The following OTULIN variants were observed in gnomAD, a reference collection of about 807,000 sequenced individuals.
OTULIN encodes OTU deubiquitinase with linear linkage specificity, also known as ubiquitin thioesterase otulin.
In OTULIN, 15 loss-of-function variants were observed where a neutral mutation model predicts 39.6. The ratio of observed to expected loss-of-function variants is 0.38; its 90% CI spans 0.25 to 0.58. The LOEUF (loss-of-function observed/expected upper bound fraction) is 0.58, where lower values mean the gene tolerates loss of function less well. Among genes scored for constraint, OTULIN ranks in the 20% least tolerant of loss-of-function variants. OTULIN has a pLI of 0.66. For missense variants in OTULIN, 319 were observed against 445.9 expected, an observed-to-expected ratio of 0.72 and a Z score of 2.56; for synonymous variants, 156 against 170.3, an observed-to-expected ratio of 0.92 and a Z score of 0.65.
Position 14,687,659 on chromosome 5 carries a change from T to TA in OTULIN, c.594+14dup. On this transcript the variant is annotated intron_variant, in intron 5 of 6. Transcript: ENST00000284274. ...GCTGAGGAAGAAGGTTTGGAACCTG[T>TA]AGTGTCCTGTCTGATAAGGGTGAAG... The TA allele has an allele frequency of 6.2e-7, 1 of 1,605,378 alleles. No individual in the cohort carries two copies. The highest frequency in any genetic ancestry group is 8.5e-7 in the Non-Finnish European group (1 of 1,177,256).
chr5:14,681,738 T>G, intron 4 of OTULIN, 131 bp downstream of exon 4: 1 of 1,092,032 alleles, frequency 9.2e-7, no homozygotes, highest in Non-Finnish European at 1.2e-6. Context: ...TATTCAGTTT[T>G]GTGTGGCTGG....
At chr5:14,711,953 C>T in the OTULIN span, among the ~76,000 whole-genome samples, 13 of 152,362 alleles carry the variant, frequency 8.5e-5, no homozygotes, top group South Asian at 1.0e-3. Context: ...CTGCCAACCC[C>T]GCTGGTCCCC....
At position 14,690,392 on chromosome 5, in the gene OTULIN, GA is replaced by G; in HGVS notation, c.864+87del. On this transcript the variant is annotated intron_variant, in intron 6 of 6. Transcript: ENST00000284274. The surrounding 1 kb of genome is among the most constrained non-coding windows in gnomAD (Gnocchi z 4.5). ...TTGATGTCACAGTTTTTGTAGGTCAGAAATTCAGGGACAGCTTAGTTGGATG... is the reference window on the plus strand; with the variant it reads ...TTGATGTCACAGTTTTTGTAGGTCAGAATTCAGGGACAGCTTAGTTGGATG... The G allele has an allele frequency of 1.3e-6, 2 of 1,495,300 alleles. No individual in the cohort carries two copies. Among genetic ancestry groups the G allele is most frequent in the Non-Finnish European group, 9.0e-7 (1 of 1,108,008 alleles). 92.6% of individuals were successfully genotyped at this position (1,495,300 alleles called of 1,614,324 possible).
chr5:14,691,476 A>T (rs892467091), intron 6 of OTULIN, among the ~76,000 whole-genome samples: 19 of 152,192 alleles, frequency 1.2e-4, no homozygotes, highest in Non-Finnish European at 1.6e-4. Context: ...TGGGTTACTT[A>T]CGTCTCCTGA....
In OTULIN at chr5:14,698,000, T is replaced by C. The variant is rs1245898186; in HGVS notation, c.*4952T>C. The C allele has an allele frequency of 1.3e-5, 2 of 152,222 alleles. No individual in the cohort carries two copies. The highest frequency in any genetic ancestry group is 2.9e-5 in the Non-Finnish European group (2 of 68,028). 9.4% of individuals were successfully genotyped at this position (152,222 alleles called of 1,614,324 possible). A position where few individuals can be genotyped will look rare whatever the true frequency, so the allele number is the denominator to read the frequency against. On this transcript the variant is annotated 3_prime_UTR_variant, in exon 7 of 7. Transcript: ENST00000284274. ...AAATGGTGCTAAAACATTGTACCCC[T>C]TATAAGAACTGCAGCAATCCACAGT...
downstream of OTULIN, among the ~76,000 whole-genome samples, chr5:14,703,066 A>G (rs1007138312): frequency 6.6e-6 from 1 of 152,150 alleles, no homozygotes; most frequent in African/African-American, 2.4e-5. Flanking sequence ...ATCTGGTTGT[A>G]GAGGACAGGA....
At chr5:14,714,388 A>G in the OTULIN span, among the ~76,000 whole-genome samples, 1 of 152,238 alleles carries the variant, frequency 6.6e-6, no homozygotes, top group African/African-American at 2.4e-5. Flanking sequence ...GGCCCTGAGC[A>G]TCTAGATTCC....
downstream of OTULIN, among the ~76,000 whole-genome samples, chr5:14,704,278 C>T (rs1032389450): frequency 1.6e-5 from 2 of 123,558 alleles, no homozygotes; most frequent in East Asian, 2.5e-4. Context: ...TGCAATGAGC[C>T]GAGATTGCGC....
intron 1 of OTULIN, among the ~76,000 whole-genome samples, chr5:14,668,824 G>C (rs1008223268): frequency 2.0e-5 from 3 of 152,182 alleles, no homozygotes; most frequent in African/African-American, 7.2e-5. Context: ...TGGCTTCACA[G>C]AAATGCCTTC....
In OTULIN at chr5:14,690,423, T is replaced by C; in HGVS notation, c.864+115T>C. 8.0e-7 allele frequency: 1 copy of C among 1,249,432 alleles called. No individual in the cohort carries two copies. Among genetic ancestry groups the C allele is most frequent in the South Asian group, 1.5e-5 (1 of 66,214 alleles). The allele number at this position is 1,249,432 out of a possible 1,614,324, so 77.4% of individuals were successfully genotyped here. ...CAGGGACAGCTTAGTTGGATGGTTC[T>C]GGCTCAGGATGTCATGAGGCTGCAG... On this transcript the variant is annotated intron_variant, in intron 6 of 6. Coordinates refer to ENST00000284274, the MANE Select transcript of OTULIN (RefSeq NM_138348.6). This position sits in a 1 kb window ranked among gnomAD's most constrained non-coding sequence, Gnocchi z 4.5.
chr5:14,678,596 G>A (rs1183123794), intron 2 of OTULIN, 85 bp from the exon 3 acceptor site: 39 of 966,344 alleles, frequency 4.0e-5, no homozygotes, highest in Non-Finnish European at 4.6e-5. Context: ...AAAATGAAGA[G>A]TGAAGGGTAA....
intron 3 of OTULIN, among the ~76,000 whole-genome samples, 154 bp from the exon 4 acceptor site, chr5:14,681,310 A>G (rs1736243460): frequency 6.6e-6 from 1 of 151,970 alleles, no homozygotes; most frequent in Non-Finnish European, 1.5e-5. Context: ...CCAGTGAGTA[A>G]GTGTTAAAAC....
At chr5:14,680,881 A>G (rs986470199) in intron 3 of OTULIN, among the ~76,000 whole-genome samples, 2 of 152,196 alleles carry the variant, frequency 1.3e-5, no homozygotes, top group African/African-American at 4.8e-5. Flanking sequence ...CAACATGATG[A>G]AATCCTGTCA....
Position 14,690,129 on chromosome 5 carries a change from T to C in OTULIN, c.685T>C (p.Tyr229His). The change falls in exon 6 of 7, where the codon TAT (tyrosine) becomes CAT (histidine). Residue 229 changes from tyrosine to histidine, a missense_variant. Tyr to His is a moderately conservative substitution (Grantham distance 83). Around this residue, in one of 4 missense-constraint regions of OTULIN, gnomAD observed 106 missense variants for 192.8 expected, o/e 0.55. Transcript: ENST00000284274. This position sits in a 1 kb window ranked among gnomAD's most constrained non-coding sequence, Gnocchi z 4.5. ...FTNEAEEYSL[Y>H]EAVKFLMLNR... ...AAATGAGGCGGAGGAATATAGCCTC[T>C]ATGAAGCTGTAAAATTTCTAATGCT... 6.2e-7 allele frequency: 1 copy of C among 1,614,130 alleles called. No homozygotes were observed. Among genetic ancestry groups the C allele is most frequent in the Non-Finnish European group, 8.5e-7 (1 of 1,179,972 alleles).
At chr5:14,679,482 C>A (rs938150088) in intron 3 of OTULIN, among the ~76,000 whole-genome samples, 1 of 152,192 alleles carries the variant, frequency 6.6e-6, no homozygotes, top group Non-Finnish European at 1.5e-5. Flanking sequence ...CTAAGACTTC[C>A]ATGACCTCTT....
At chr5:14,677,014 T>A (rs998826523) in intron 2 of OTULIN, among the ~76,000 whole-genome samples, 4 of 152,226 alleles carry the variant, frequency 2.6e-5, no homozygotes, top group Non-Finnish European at 4.4e-5. Context: ...CAGATAAATA[T>A]GTCTATGTTA....
At chr5:14,684,998 T>A (rs1039835085) in intron 4 of OTULIN, among the ~76,000 whole-genome samples, 1 of 152,230 alleles carries the variant, frequency 6.6e-6, no homozygotes, top group Non-Finnish European at 1.5e-5. Flanking sequence ...GTCTCCGTGT[T>A]TGGCTGCAGC....
intron 1 of OTULIN, among the ~76,000 whole-genome samples, chr5:14,670,509 A>T (rs1735953514): frequency 6.6e-6 from 1 of 152,118 alleles, no homozygotes; most frequent in Non-Finnish European, 1.5e-5. Flanking sequence ...TAACTATTTC[A>T]TTCTGCCTGC....
intron 6 of OTULIN, among the ~76,000 whole-genome samples, chr5:14,692,031 T>C (rs949424635): frequency 7.2e-5 from 11 of 152,260 alleles, no homozygotes; most frequent in African/African-American, 1.7e-4. Flanking sequence ...TTTTTAGTTC[T>C]GTGAATAACC....
Sources: allele counts gnomAD v4.1 joint callset (sites outside exome capture counted in the v4.1 genomes callset), GRCh38; gene constraint gnomAD v4.1.1; regional missense constraint gnomAD v4.1.1; non-coding constraint Gnocchi (gnomAD v3.1); transcripts MANE v1.5; gene names NCBI Gene and HGNC (gene_info 2026-07-23, HGNC 2026-07-21).